TTC28: variants seen among roughly 807,000 people sequenced by gnomAD.
The protein encoded by TTC28 is tetratricopeptide repeat domain 28.
A neutral mutation model predicts 198.0 loss-of-function variants in TTC28; 61 were observed. The ratio of observed to expected loss-of-function variants is 0.31; its 90% CI spans 0.25 to 0.38. The LOEUF (loss-of-function observed/expected upper bound fraction) is 0.38. TTC28 is among the 10% of genes least tolerant of loss of function. The pLI, the probability that TTC28 is intolerant of heterozygous loss-of-function variation, is 1.00. For missense variants in TTC28, 2,678 were observed against 3,164.0 expected (o/e 0.85, Z 3.69); for synonymous variants, 1,171 against 1,297.8 (o/e 0.90, Z 2.10).
chr22:28,590,406 G>A (rs1261462039), intron 2 of TTC28, among the ~76,000 whole-genome samples: 1 of 152,068 alleles, frequency 6.6e-6, no homozygotes, highest in East Asian at 2.0e-4. Flanking sequence ...TGGGATTACA[G>A]GCGTGAGCCA....
intron 2 of TTC28, among the ~76,000 whole-genome samples, chr22:28,362,217 T>A (rs2046170329): frequency 6.6e-6 from 1 of 152,054 alleles, no homozygotes; most frequent in Admixed American, 6.5e-5. Flanking sequence ...TGGGGGCAAG[T>A]CTTTGCTGTG....
chr22:28,219,227 G>C (rs1244390613), intron 5 of TTC28, among the ~76,000 whole-genome samples: 2 of 152,076 alleles, frequency 1.3e-5, no homozygotes, highest in Non-Finnish European at 2.9e-5. Context: ...TACCCACTTC[G>C]TCTGGGCGTG....
chr22:28,296,227 C>A lies in TTC28; in HGVS notation c.904G>T (p.Val302Leu). 1 of 1,549,852 alleles carries A rather than the reference C, an allele frequency of 6.5e-7. No individual in the cohort carries two copies. The highest frequency in any genetic ancestry group is 8.7e-7 in the Non-Finnish European group (1 of 1,145,998). Reference sequence around the variant, plus strand: ...CGATCTTTGAGTTTCATGGCGAGTACCAACTGATGCCTGTGGTTAGTGAGA... The same window carrying A: ...CGATCTTTGAGTTTCATGGCGAGTAACAACTGATGCCTGTGGTTAGTGAGA... Reference protein sequence around the residue: ...EALTNHRHQLVLAMKLKDREA... With the variant: ...EALTNHRHQLLLAMKLKDREA... The change falls in exon 5 of 23, where the codon GTA (valine) becomes TTA (leucine). Residue 302 changes from valine (V) to leucine (L), a missense_variant. Physicochemically the swap from Val to Leu is conservative, Grantham distance 32 (BLOSUM62 1). Coordinates refer to ENST00000397906, the MANE Select transcript of TTC28 (RefSeq NM_001145418.2).
intron 6 of TTC28, among the ~76,000 whole-genome samples, chr22:28,130,482 T>C (rs1323941257): frequency 6.6e-6 from 1 of 152,262 alleles, no homozygotes; most frequent in Admixed American, 6.5e-5. Context: ...ATTATTAGCA[T>C]AATCCTGTGA....
chr22:28,287,734 A>G (rs1167254299), intron 5 of TTC28, among the ~76,000 whole-genome samples: 1 of 152,160 alleles, frequency 6.6e-6, no homozygotes, highest in Non-Finnish European at 1.5e-5. Flanking sequence ...AGGGAAAAGG[A>G]AGGTGTCAAA....
chr22:28,354,979 C>T (rs916844332), intron 2 of TTC28, among the ~76,000 whole-genome samples: 1 of 117,226 alleles, frequency 8.5e-6, no homozygotes, highest in Non-Finnish European at 1.7e-5. Context: ...CCCCCTCCCC[C>T]CACCCCACTT....
chr22:28,428,065 T>C (rs1175172827), intron 2 of TTC28, among the ~76,000 whole-genome samples: 1 of 148,876 alleles, frequency 6.7e-6, no homozygotes, highest in Non-Finnish European at 1.5e-5. Context: ...AATATAGGTA[T>C]AATACTCAAA....
chr22:28,221,604 C>A (rs1801090814), intron 5 of TTC28, among the ~76,000 whole-genome samples: 1 of 152,190 alleles, frequency 6.6e-6, no homozygotes, highest in Non-Finnish European at 1.5e-5. Context: ...TGTCCCCCTG[C>A]ATGCTTGACA....
intron 2 of TTC28, among the ~76,000 whole-genome samples, chr22:28,511,496 C>A (rs963443143): frequency 1.3e-5 from 2 of 152,024 alleles, no homozygotes; most frequent in East Asian, 3.9e-4. Flanking sequence ...ACACCATATA[C>A]AAAAATCAAC....
At chr22:28,645,421 G>T (rs1374211607) in intron 1 of TTC28, among the ~76,000 whole-genome samples, 1 of 151,874 alleles carries the variant, frequency 6.6e-6, no homozygotes, top group Non-Finnish European at 1.5e-5. Context: ...AAGGTCAGGA[G>T]ATCAAGACCA....
intron 2 of TTC28, among the ~76,000 whole-genome samples, chr22:28,370,280 T>C (rs117947469): frequency 1.3e-5 from 2 of 152,298 alleles, no homozygotes; most frequent in East Asian, 3.9e-4. Flanking sequence ...TACTATTTCC[T>C]CCTTTCTCCT....
At chr22:28,039,436 G>A (rs183678707) in intron 12 of TTC28, among the ~76,000 whole-genome samples, 16 of 151,370 alleles carry the variant, frequency 1.1e-4, no homozygotes, top group Admixed American at 5.9e-4. Context: ...AACCAAACAC[G>A]GCATGTTCTC....
At chr22:28,402,401 T>G (rs984055302) in intron 2 of TTC28, among the ~76,000 whole-genome samples, 1 of 152,198 alleles carries the variant, frequency 6.6e-6, no homozygotes, top group African/African-American at 2.4e-5. Flanking sequence ...TAAGACCTAT[T>G]AACACTTTTC....
intron 5 of TTC28, among the ~76,000 whole-genome samples, chr22:28,253,090 GA>G (rs958207089): frequency 1.5e-4 from 23 of 152,284 alleles, no homozygotes; most frequent in African/African-American, 4.6e-4. Context: ...AAATACTCTT[GA>G]GGGGGAGTAT....
At chr22:28,156,775 G>C (rs908941744) in intron 6 of TTC28, among the ~76,000 whole-genome samples, 2 of 152,172 alleles carry the variant, frequency 1.3e-5, no homozygotes, top group Non-Finnish European at 2.9e-5. Flanking sequence ...AGTTGTCAAA[G>C]GTTGGGGGTA....
chr22:28,078,920 GA>G (rs1258527710), intron 12 of TTC28, among the ~76,000 whole-genome samples: 1 of 152,176 alleles, frequency 6.6e-6, no homozygotes, highest in Non-Finnish European at 1.5e-5. Flanking sequence ...AGAGCATGTG[GA>G]TAACTCTAAG....
At position 28,185,772 on chromosome 22, in the gene TTC28, T is replaced by TA. The variant is rs373263727; in HGVS notation, c.934-22174dup. On this transcript the variant is annotated intron_variant, in intron 5 of 22. Transcript: ENST00000397906. The stretch of plus-strand genomic sequence containing the variant: ...AGATGCTTTTTTACATTATCTCAAA[T>TA]ACCCACAGGATCCTCAGAAGTAAGA... Among the ~76,000 whole-genome samples the TA allele has an allele frequency of 3.5e-4, 54 of 152,286 alleles. 1 individual carries two copies. Among genetic ancestry groups the TA allele is most frequent in the African/African-American group, 1.3e-3 (52 of 41,566 alleles).
intron 5 of TTC28, among the ~76,000 whole-genome samples, chr22:28,229,760 C>T (rs958610553): frequency 1.3e-5 from 2 of 152,078 alleles, no homozygotes; most frequent in East Asian, 1.9e-4. Context: ...TAACTCAAGC[C>T]TCATTCTGAG....
chr22:28,134,491 A>G (rs1490299959), intron 6 of TTC28, among the ~76,000 whole-genome samples: 1 of 152,174 alleles, frequency 6.6e-6, no homozygotes, highest in Non-Finnish European at 1.5e-5. Flanking sequence ...AACTAGAATA[A>G]CCAGTGTAGA....
Sources: gnomAD v4.1 joint callset for allele counts (sites outside exome capture counted in the v4.1 genomes callset) on GRCh38, gnomAD v4.1.1 for gene constraint, MANE v1.5 for transcripts, NCBI Gene and HGNC (gene_info 2026-07-23, HGNC 2026-07-21) for gene names.